Variants in DIP2C observed in about 807,000 individuals in gnomAD.
The protein encoded by DIP2C is DIP2 acetate--CoA ligase C (putative).
DIP2C carries 33 observed loss-of-function variants against 192.4 expected under a neutral mutation model. That is an observed-to-expected ratio of 0.17 (90% CI 0.13 to 0.23). DIP2C has a LOEUF of 0.23. Ranked by LOEUF, DIP2C falls within the 10% of genes least tolerant of loss-of-function variation. The probability of loss-of-function intolerance (pLI) is 1.00; values close to 1 mark genes in which losing one functional copy is unlikely to be tolerated. For synonymous variants in DIP2C, 979 were observed against 864.1 expected, an observed-to-expected ratio of 1.13 and a Z score of -2.33; for missense variants, 1,537 against 2,110.1, an observed-to-expected ratio of 0.73 and a Z score of 5.32.
At chr10:380,519 G>A (rs1174947112) in intron 17 of DIP2C, among the ~76,000 whole-genome samples, 1 of 152,262 alleles carries the variant, frequency 6.6e-6, no homozygotes, top group East Asian at 1.9e-4. Context: ...CAAATGCTTA[G>A]ATCACAACAC....
intron 9 of DIP2C, among the ~76,000 whole-genome samples, chr10:401,564 T>C (rs1964454252): frequency 2.8e-5 from 1 of 35,640 alleles, no homozygotes; most frequent in East Asian, 9.9e-4. Flanking sequence ...TACATTTTCA[T>C]CAGCACATGA....
At chr10:494,137 G>A (rs1844644542) in intron 1 of DIP2C, among the ~76,000 whole-genome samples, 1 of 152,220 alleles carries the variant, frequency 6.6e-6, no homozygotes, top group African/African-American at 2.4e-5. Flanking sequence ...CACACACTAT[G>A]TGACCCCCTT....
chr10:415,993 G>A (rs1965608214), intron 6 of DIP2C, 105 bp from the exon 7 acceptor site: 3 of 1,543,696 alleles, frequency 1.9e-6, no homozygotes, highest in African/African-American at 1.4e-5. Context: ...GCTACAACAG[G>A]CTGCATCCTA....
At chr10:516,900 G>A (rs540369698) in intron 1 of DIP2C, among the ~76,000 whole-genome samples, 19 of 147,024 alleles carry the variant, frequency 1.3e-4, no homozygotes, top group Non-Finnish European at 1.2e-4. Context: ...CAAGCCCCTC[G>A]CAGAGCTCAG....
intron 1 of DIP2C, among the ~76,000 whole-genome samples, chr10:624,561 C>CG: frequency 6.6e-6 from 1 of 152,316 alleles, no homozygotes; most frequent in East Asian, 1.9e-4. Flanking sequence ...TTGGAAGTCA[C>CG]TCCCACCAGC....
chr10:513,973 TAC>T (rs1446173844), intron 1 of DIP2C, among the ~76,000 whole-genome samples: 7 of 152,354 alleles, frequency 4.6e-5, no homozygotes, highest in African/African-American at 1.7e-4. Flanking sequence ...CTGAAATGTG[TAC>T]AGTCTTGGCA....
intron 1 of DIP2C, among the ~76,000 whole-genome samples, chr10:642,688 G>A (rs1212457048): frequency 6.6e-6 from 1 of 152,332 alleles, no homozygotes; most frequent in South Asian, 2.1e-4. Context: ...CATCGCACAC[G>A]GGTGCCCTCA....
intron 1 of DIP2C, among the ~76,000 whole-genome samples, chr10:533,691 C>T (rs1194611272): frequency 6.6e-6 from 1 of 151,450 alleles, no homozygotes; most frequent in African/African-American, 2.4e-5. Flanking sequence ...ACAACTAGTC[C>T]ACAGGGAAAT....
At chr10:627,211 G>C (rs1206960808) in intron 1 of DIP2C, among the ~76,000 whole-genome samples, 1 of 152,190 alleles carries the variant, frequency 6.6e-6, no homozygotes, top group Non-Finnish European at 1.5e-5. Context: ...TGGCCCTCAG[G>C]CCCCCGAAGC....
chr10:541,386 C>T (rs1181572531), intron 1 of DIP2C, among the ~76,000 whole-genome samples: 2 of 151,656 alleles, frequency 1.3e-5, no homozygotes, highest in Non-Finnish European at 2.9e-5. Flanking sequence ...GACCTTCCAC[C>T]TGACCACACC....
chr10:583,683 G>A (rs1457637388), intron 1 of DIP2C, among the ~76,000 whole-genome samples: 2 of 152,204 alleles, frequency 1.3e-5, no homozygotes, highest in East Asian at 3.8e-4. Flanking sequence ...GCGCTCAACA[G>A]CCGGAAGCAG....
intron 1 of DIP2C, among the ~76,000 whole-genome samples, chr10:622,164 G>A (rs1306330785): frequency 1.3e-5 from 2 of 150,732 alleles, no homozygotes; most frequent in Non-Finnish European, 3.0e-5. Context: ...GGGCTGCCAA[G>A]TCGCAGCTGT....
At chr10:616,151 GTTCTC>G (rs764117282) in intron 1 of DIP2C, among the ~76,000 whole-genome samples, 1 of 152,148 alleles carries the variant, frequency 6.6e-6, no homozygotes, top group Non-Finnish European at 1.5e-5. Flanking sequence ...AAGCAATTCT[GTTCTC>G]TTCACTCTGG....
chr10:431,160 C>G (rs954431478), intron 4 of DIP2C, among the ~76,000 whole-genome samples: 14 of 152,152 alleles, frequency 9.2e-5, no homozygotes, highest in African/African-American at 3.4e-4. Context: ...CAACTTTGTT[C>G]TTCTTTTTCA....
chr10:479,497 C>CT (rs1277347070), intron 2 of DIP2C, among the ~76,000 whole-genome samples: 1 of 151,978 alleles, frequency 6.6e-6, no homozygotes, highest in African/African-American at 2.4e-5. Context: ...CGATGCCTGG[C>CT]TAATTTTTAA....
rs536685628 is a variant in DIP2C, at chr10:595,812, C to CA, written c.85+93681dup. On this transcript the variant is annotated intron_variant, in intron 1 of 36. Transcript: ENST00000280886. ...TTAACGTAAATGATCCTTCGAAGCT[C>CA]AAGCCCATGTTGTTCAGGGTCAGCC... 1.1e-3 allele frequency among the ~76,000 whole-genome samples: 169 copies of CA among 152,338 alleles called. 2 individuals are homozygous for CA. The highest frequency in any genetic ancestry group is 3.7e-3 in the African/African-American group (155 of 41,576).
intron 26 of DIP2C, among the ~76,000 whole-genome samples, chr10:346,838 G>A (rs71492981): frequency 0.5 from 274 of 548 alleles, 136 homozygotes; most frequent in East Asian, 1. Context: ...CACATCGCGC[G>A]TAGTTCTCCC....
chr10:319,361 A>G (rs972394593), intron 31 of DIP2C, among the ~76,000 whole-genome samples: 4 of 152,228 alleles, frequency 2.6e-5, no homozygotes, highest in Admixed American at 1.3e-4. Context: ...CTGCCCTCTC[A>G]GATAAATCAG....
intron 1 of DIP2C, among the ~76,000 whole-genome samples, chr10:635,570 C>T (rs915641576): frequency 2.6e-5 from 4 of 152,246 alleles, no homozygotes; most frequent in African/African-American, 7.2e-5. Flanking sequence ...GAAGCAGAAG[C>T]GGCCGCGCAG....
Sources: gnomAD v4.1 joint callset for allele counts (sites outside exome capture counted in the v4.1 genomes callset) on GRCh38, gnomAD v4.1.1 for gene constraint, MANE v1.5 for transcripts, NCBI Gene and HGNC (gene_info 2026-07-23, HGNC 2026-07-21) for gene names.